RFX7: variants seen among roughly 807,000 people sequenced by gnomAD.
RFX7 encodes DNA-binding protein RFX7.
In RFX7, 26 loss-of-function variants were observed where a neutral mutation model predicts 111.8. The ratio of observed to expected loss-of-function variants is 0.23; its 90% CI spans 0.17 to 0.32. The LOEUF is 0.32. Ranked by LOEUF, RFX7 falls within the 10% of genes least tolerant of loss-of-function variation. RFX7 has a pLI of 1.00. For missense variants in RFX7, 1,573 were observed against 1,772.9 expected (o/e 0.89, Z 2.02); for synonymous variants, 624 against 624.4 (o/e 1.00, Z 0.01).
At chr15:56,181,491 A>T (rs1392967922) in intron 2 of RFX7, among the ~76,000 whole-genome samples, 1 of 152,194 alleles carries the variant, frequency 6.6e-6, no homozygotes, top group African/African-American at 2.4e-5. Context: ...GCTTCATGAT[A>T]GCAGGCTTTG....
At chr15:56,131,469 G>C (rs960070045) in intron 5 of RFX7, among the ~76,000 whole-genome samples, 5 of 152,046 alleles carry the variant, frequency 3.3e-5, no homozygotes, top group South Asian at 2.1e-4. Flanking sequence ...TTGTTGCCCA[G>C]TCTGGTCTTA....
chr15:56,137,910 T>C (rs1413666278), intron 5 of RFX7, among the ~76,000 whole-genome samples: 1 of 152,064 alleles, frequency 6.6e-6, no homozygotes, highest in Admixed American at 6.6e-5. Context: ...TCAGTTTCCA[T>C]GTAGTTGAGT....
At chr15:56,211,486 G>T (rs2043312746) in intron 2 of RFX7, among the ~76,000 whole-genome samples, 1 of 152,068 alleles carries the variant, frequency 6.6e-6, no homozygotes, top group South Asian at 2.1e-4. Flanking sequence ...AGATGACCTT[G>T]TGTTTGTGAC....
chr15:56,138,866 C>T (rs1354502805), intron 5 of RFX7, among the ~76,000 whole-genome samples: 6 of 152,078 alleles, frequency 3.9e-5, no homozygotes, highest in Admixed American at 2.6e-4. Flanking sequence ...ATTTCTCCTT[C>T]GCTTATGAAG....
At position 56,144,410 on chromosome 15, in the gene RFX7, C is replaced by G; in HGVS notation, c.269G>C (p.Gly90Ala). ...ACAAGAATAGATATACCTTTTCTCT[C>G]CATTGCTGAGACCAGAAGGCAGCTG... is the stretch of plus-strand genomic sequence containing the variant. ...YLQLPSGLSN[G>A]EKSDQNAMSS... The change falls in exon 4 of 10, where the codon GGA becomes GCA. Residue 90 changes from glycine (G) to alanine (A), a missense_variant. Gly to Ala is a moderately conservative substitution (Grantham distance 60, BLOSUM62 0). Coordinates refer to ENST00000559447, the MANE Select transcript of RFX7 (RefSeq NM_022841.7). 7.4e-7 allele frequency: 1 copy of G among 1,360,348 alleles called. No individual in the cohort carries two copies. The highest frequency in any genetic ancestry group is 1.1e-5 in the South Asian group (1 of 87,780). The allele number at this position is 1,360,348 out of a possible 1,614,324, so 84.3% of individuals were successfully genotyped here.
chr15:56,146,121 A>G (rs891173940), intron 3 of RFX7, among the ~76,000 whole-genome samples: 2 of 152,040 alleles, frequency 1.3e-5, no homozygotes, highest in Admixed American at 1.3e-4. Context: ...TTTTTTTAAG[A>G]GAGTCTCACT....
At chr15:56,233,908 C>T (rs1229942175) in intron 2 of RFX7, among the ~76,000 whole-genome samples, 1 of 152,132 alleles carries the variant, frequency 6.6e-6, no homozygotes, top group East Asian at 1.9e-4. Flanking sequence ...TAGTGGAAAT[C>T]CTATTCCTTA....
chr15:56,087,351 T>C lies in RFX7; in HGVS notation c.*5994A>G. The stretch of plus-strand genomic sequence containing the variant: ...TCCAGAGGTAAGCAGTCAGGACTAG[T>C]TGGGCATCTTCCCTTCCAAAGTCAT... On this transcript the variant is annotated 3_prime_UTR_variant, in exon 10 of 10. Coordinates refer to ENST00000559447, the MANE Select transcript of RFX7 (RefSeq NM_022841.7). 1 of 451,802 alleles carries C rather than the reference T, an allele frequency of 2.2e-6. No individual in the cohort carries two copies. The highest frequency in any genetic ancestry group is 4.5e-6 in the Non-Finnish European group (1 of 224,024). The allele number at this position is 451,802 out of a possible 1,614,324, so 28.0% of individuals were successfully genotyped here. A position where few individuals can be genotyped will look rare whatever the true frequency, so the allele number is the denominator to read the frequency against.
intron 5 of RFX7, among the ~76,000 whole-genome samples, chr15:56,142,259 A>C (rs1463827663): frequency 2.0e-5 from 3 of 152,188 alleles, no homozygotes; most frequent in African/African-American, 7.2e-5. Flanking sequence ...TTGTAAATAC[A>C]ACCAAATTTG....
intron 3 of RFX7, among the ~76,000 whole-genome samples, chr15:56,144,730 T>C (rs1364375294): frequency 6.6e-6 from 1 of 152,116 alleles, no homozygotes; most frequent in African/African-American, 2.4e-5. Context: ...AATAGAATTA[T>C]TGACCAAGGC....
intron 4 of RFX7, among the ~76,000 whole-genome samples, chr15:56,143,548 TG>T (rs1416268389): frequency 6.6e-6 from 1 of 152,088 alleles, no homozygotes; most frequent in Non-Finnish European, 1.5e-5. Flanking sequence ...TTTTACTATA[TG>T]GAAGTATTAC....
intron 3 of RFX7, among the ~76,000 whole-genome samples, chr15:56,147,802 T>C (rs1224263966): frequency 3.3e-5 from 5 of 152,206 alleles, no homozygotes; most frequent in African/African-American, 7.2e-5. Context: ...CTCGATCTCC[T>C]GACCTCATGA....
At chr15:56,202,930 T>A (rs915924525) in intron 2 of RFX7, among the ~76,000 whole-genome samples, 2 of 152,256 alleles carry the variant, frequency 1.3e-5, no homozygotes, top group African/African-American at 2.4e-5. Context: ...GCCAATCTCT[T>A]GGGTAGAGTG....
intron 2 of RFX7, among the ~76,000 whole-genome samples, chr15:56,230,111 T>C (rs564831181): frequency 8.5e-5 from 13 of 152,172 alleles, no homozygotes; most frequent in Non-Finnish European, 1.8e-4. Context: ...AGGACCAAAC[T>C]TAAAAAAGCC....
rs1410123474 is a variant in RFX7 at position 56,087,962 on chromosome 15, C to G, written c.*5383G>C. On this transcript the variant is annotated 3_prime_UTR_variant, in exon 10 of 10. Transcript: ENST00000559447. The stretch of plus-strand genomic sequence containing the variant: ...GGAAAACAAAATTTTGTTTTTAAAT[C>G]TTCATTCTCCTAATACATCAGGGTA... 2.8e-6 allele frequency: 1 copy of G among 356,626 alleles called. No individual in the cohort carries two copies. Among genetic ancestry groups the G allele is most frequent in the Admixed American group, 3.9e-5 (1 of 25,636 alleles). 22.1% of individuals were successfully genotyped at this position (356,626 alleles called of 1,614,324 possible).
chr15:56,183,334 G>A (rs957011119), intron 2 of RFX7, among the ~76,000 whole-genome samples: 2 of 151,654 alleles, frequency 1.3e-5, no homozygotes. Flanking sequence ...TTATTTTTAT[G>A]TCTTATTTAA....
chr15:56,095,803 C>T lies in RFX7; in HGVS notation c.1925G>A (p.Gly642Asp). 1 of 1,612,488 alleles carries T rather than the reference C, an allele frequency of 6.2e-7. No individual in the cohort carries two copies. Among genetic ancestry groups the T allele is most frequent in the Non-Finnish European group, 8.5e-7 (1 of 1,179,858 alleles). Reference protein sequence around the residue: ...TFTSSSSPPNGDSINKDPKLC... With the variant: ...TFTSSSSPPNDDSINKDPKLC... ...TTTAGGGTCTTTATTGATTGAGTCA[C>T]CATTAGGTGGTGAGCTGCTGCTGGT... Residue 642 changes from glycine (G) to aspartate (D), a missense_variant, in exon 10 of 10, where the codon GGT becomes GAT. Gly to Asp is a moderately conservative substitution (Grantham distance 94). This residue lies in a region of RFX7 where 625 missense variants were observed against 632.2 expected (regional missense o/e 0.99). Transcript: ENST00000559447.
At position 56,180,639 on chromosome 15, in the gene RFX7, C is replaced by T. The variant is rs1043157912; in HGVS notation, c.162-1336G>A. Among the ~76,000 whole-genome samples the T allele has an allele frequency of 2.6e-5, 4 of 151,788 alleles. 1 individual carries two copies. The highest frequency in any genetic ancestry group is 6.3e-3 in the Middle Eastern group (2 of 316). ...AGTCATTACTGGCCAGGCGTGGTGG[C>T]TCATGCCTGTAATCCCAGCACTTTG... On this transcript the variant is annotated intron_variant, in intron 2 of 9. Coordinates refer to ENST00000559447, the MANE Select transcript of RFX7 (RefSeq NM_022841.7).
chr15:56,139,249 A>G (rs2042351758), intron 5 of RFX7, among the ~76,000 whole-genome samples: 1 of 150,824 alleles, frequency 6.6e-6, no homozygotes, highest in Non-Finnish European at 1.5e-5. Context: ...ACTTTCAGGT[A>G]CACCAATCAG....
Sources: gnomAD v4.1 joint callset for allele counts (sites outside exome capture counted in the v4.1 genomes callset) on GRCh38, gnomAD v4.1.1 for gene constraint, gnomAD v4.1.1 regional missense constraint, MANE v1.5 for transcripts, NCBI Gene and HGNC (gene_info 2026-07-23, HGNC 2026-07-21) for gene names.